Variants in RGL1 observed in about 807,000 individuals in gnomAD.
RGL1 encodes ral guanine nucleotide dissociation stimulator-like 1.
In RGL1, 24 loss-of-function variants were observed where a neutral mutation model predicts 95.2. That is an observed-to-expected ratio of 0.25 (90% CI 0.18 to 0.35). The LOEUF (loss-of-function observed/expected upper bound fraction) is 0.35, where lower values mean the gene tolerates loss of function less well. Ranked by LOEUF, RGL1 falls within the 10% of genes least tolerant of loss-of-function variation. The pLI is 1.00. For synonymous variants in RGL1, 329 were observed against 344.9 expected, an observed-to-expected ratio of 0.95 and a Z score of 0.51; for missense variants, 715 against 936.3, an observed-to-expected ratio of 0.76 and a Z score of 3.08.
intron 7 of RGL1, among the ~76,000 whole-genome samples, chr1:183,885,668 T>A (rs1667067579): frequency 6.6e-6 from 1 of 152,222 alleles, no homozygotes; most frequent in South Asian, 2.1e-4. Flanking sequence ...GAACTTCTAA[T>A]GTGTGTAAAC....
At chr1:183,854,862 A>C (rs937280996) in intron 3 of RGL1, among the ~76,000 whole-genome samples, 4 of 152,204 alleles carry the variant, frequency 2.6e-5, no homozygotes, top group African/African-American at 9.6e-5. Context: ...GAGTTATTAT[A>C]AAGTTTGAAC....
At chr1:183,721,072 T>C (rs972908007) in intron 1 of RGL1, among the ~76,000 whole-genome samples, 1 of 152,166 alleles carries the variant, frequency 6.6e-6, no homozygotes, top group African/African-American at 2.4e-5. Context: ...GTCCTTTCAC[T>C]CCCATTTCTC....
upstream of RGL1, among the ~76,000 whole-genome samples, chr1:183,802,368 C>T (rs1661038159): frequency 6.6e-6 from 1 of 152,112 alleles, no homozygotes; most frequent in Non-Finnish European, 1.5e-5. Context: ...AATCAAGAAG[C>T]ATGAGATCTC....
In RGL1 at chr1:183,904,910, A is replaced by G. The variant is rs1668228360; in HGVS notation, c.1411A>G (p.Thr471Ala). 1 of 1,613,790 alleles carries G rather than the reference A, an allele frequency of 6.2e-7. No individual in the cohort carries two copies. Among genetic ancestry groups the G allele is most frequent in the Admixed American group, 1.7e-5 (1 of 59,982 alleles). Residue 471 changes from threonine to alanine, a missense_variant, in exon 13 of 18, where the codon ACC (threonine) becomes GCC (alanine). By Grantham distance (58) the Thr-to-Ala change is moderately conservative. This residue lies in a region of RGL1 where 330 missense variants were observed against 429.6 expected (regional missense o/e 0.77). Coordinates refer to ENST00000360851, the MANE Select transcript of RGL1 (RefSeq NM_001297671.3). ...LQSACNSYCM[T>A]PDQKFIQWFQ... ...GTCTGCCTGCAACAGCTATTGCATG[A>G]CCCCAGACCAAAAGTTCATCCAGTG...
At chr1:183,881,268 G>C (rs1666809660) in intron 5 of RGL1, among the ~76,000 whole-genome samples, 2 of 152,146 alleles carry the variant, frequency 1.3e-5, no homozygotes, top group Admixed American at 1.3e-4. Flanking sequence ...TTCTGATCCT[G>C]CCCTCCCAAA....
intron 2 of RGL1, among the ~76,000 whole-genome samples, chr1:183,814,376 G>A (rs1306796194): frequency 2.0e-5 from 3 of 152,038 alleles, no homozygotes; most frequent in Non-Finnish European, 4.4e-5. Context: ...TGACTTCTGA[G>A]GATAACAGTG....
At position 183,685,157 on chromosome 1, in the gene RGL1, C is replaced by CT. The variant is rs149006451; in HGVS notation, c.-33+48665dup. 4.3e-3 allele frequency among the ~76,000 whole-genome samples: 656 copies of CT among 151,636 alleles called. 5 individuals are homozygous for CT. The highest frequency in any genetic ancestry group is 0.031 in the Middle Eastern group (9 of 294). ...TACAGTACAGAACATTCTACATTGG[C>CT]TTTTTTTTTCCTATTTAAAATGCTT... On this transcript the variant is annotated intron_variant, in intron 1 of 18. Coordinates refer to the RGL1 transcript ENST00000304685.
At chr1:183,865,905 T>C in intron 3 of RGL1, 91 bp from the exon 4 acceptor site, 2 of 851,096 alleles carry the variant, frequency 2.3e-6, no homozygotes, top group Non-Finnish European at 4.0e-6. Flanking sequence ...TTCTGAAAAG[T>C]ATAACTGTCA....
intron 15 of RGL1, among the ~76,000 whole-genome samples, chr1:183,915,990 C>A (rs1180071050): frequency 1.3e-5 from 2 of 152,322 alleles, no homozygotes; most frequent in Middle Eastern, 3.4e-3. Context: ...GCCGTATAAT[C>A]TGGGGTACTT....
At chr1:183,852,505 A>G (rs980123187) in intron 3 of RGL1, among the ~76,000 whole-genome samples, 13 of 152,068 alleles carry the variant, frequency 8.5e-5, no homozygotes, top group African/African-American at 2.9e-4. Context: ...TCTAACTTCA[A>G]ACATACACTC....
chr1:183,656,375 G>T (rs1248402713), intron 1 of RGL1, among the ~76,000 whole-genome samples: 1 of 152,180 alleles, frequency 6.6e-6, no homozygotes, highest in African/African-American at 2.4e-5. Context: ...GCCTAAAGCT[G>T]CCTCCTTACA....
At chr1:183,911,227 A>T (rs1055144837) in intron 14 of RGL1, among the ~76,000 whole-genome samples, 1 of 152,128 alleles carries the variant, frequency 6.6e-6, no homozygotes, top group African/African-American at 2.4e-5. Flanking sequence ...GGAGTGAGGC[A>T]CAGACCCAGC....
intron 1 of RGL1, among the ~76,000 whole-genome samples, chr1:183,717,465 G>A (rs1655692416): frequency 6.6e-6 from 1 of 152,118 alleles, no homozygotes; most frequent in Non-Finnish European, 1.5e-5. Context: ...ATGTATTTAT[G>A]TTGTTTTGAT....
chr1:183,652,965 T>C (rs1650875083), intron 1 of RGL1: 1 of 152,264 alleles, frequency 6.6e-6, no homozygotes, highest in African/African-American at 2.4e-5. Flanking sequence ...TAGTGAGTAC[T>C]GTTAAAGCAC....
intron 8 of RGL1, among the ~76,000 whole-genome samples, chr1:183,891,704 T>C (rs1667424589): frequency 6.6e-6 from 1 of 150,558 alleles, no homozygotes; most frequent in Non-Finnish European, 1.5e-5. Context: ...AGATGACCTC[T>C]CAGATCTGTG....
intron 2 of RGL1, among the ~76,000 whole-genome samples, chr1:183,784,469 AG>A (rs781617207): frequency 1.3e-5 from 2 of 152,240 alleles, no homozygotes; most frequent in Non-Finnish European, 2.9e-5. Context: ...CCAGCCCCAG[AG>A]GGACCAGGCA....
At chr1:183,688,562 A>C (rs1031062669) in intron 1 of RGL1, among the ~76,000 whole-genome samples, 2 of 152,176 alleles carry the variant, frequency 1.3e-5, no homozygotes, top group Non-Finnish European at 2.9e-5. Context: ...CGCCTCTGCA[A>C]CCATTTATTC....
intron 1 of RGL1, among the ~76,000 whole-genome samples, chr1:183,700,793 C>G (rs1252473505): frequency 6.6e-6 from 1 of 152,138 alleles, no homozygotes; most frequent in Non-Finnish European, 1.5e-5. Flanking sequence ...ATCCGCCCAC[C>G]TCGGCCTTCC....
At chr1:183,773,758 C>T (rs1659434671) in intron 2 of RGL1, among the ~76,000 whole-genome samples, 2 of 152,108 alleles carry the variant, frequency 1.3e-5, no homozygotes, top group South Asian at 4.1e-4. Context: ...ATTGTTGCCT[C>T]AAAACATTCA....
Sources: gnomAD v4.1 joint callset for allele counts (sites outside exome capture counted in the v4.1 genomes callset) on GRCh38, gnomAD v4.1.1 for gene constraint, gnomAD v4.1.1 regional missense constraint, MANE v1.5 for transcripts, NCBI Gene and HGNC (gene_info 2026-07-23, HGNC 2026-07-21) for gene names.